CLEC9A: variants seen among roughly 807,000 people sequenced by gnomAD.
CLEC9A encodes C-type lectin domain containing 9A.
CLEC9A carries 24 observed loss-of-function variants against 30.0 expected under a neutral mutation model. The observed-to-expected ratio is 0.80, with a 90% confidence interval of 0.58 to 1.13. The LOEUF is 1.13. CLEC9A is among the 50% of genes most tolerant of loss of function. The pLI is 0.00. For missense variants in CLEC9A, 251 were observed against 280.9 expected, an observed-to-expected ratio of 0.89 and a Z score of 0.76; for synonymous variants, 111 against 96.8, an observed-to-expected ratio of 1.15 and a Z score of -0.86.
chr12:10,052,756 T>C lies in CLEC9A; in HGVS notation c.69T>C (p.Cys23=). ...CAGCACCAGACACTTACCAGAAATGTCTGTCTTCCAACAAATGTTCAGGTA... is the reference window on the plus strand; with the variant it reads ...CAGCACCAGACACTTACCAGAAATGCCTGTCTTCCAACAAATGTTCAGGTA... ...DSPAPDTYQK[C]LSSNKCSGAC... Residue 23 remains cysteine (C), a synonymous_variant, in exon 4 of 9, where the codon TGT becomes TGC. Transcript: ENST00000355819. The C allele has an allele frequency of 6.2e-7, 1 of 1,613,720 alleles. No individual in the cohort carries two copies. Among genetic ancestry groups the C allele is most frequent in the Non-Finnish European group, 8.5e-7 (1 of 1,179,864 alleles).
At chr12:10,051,707 G>A (rs1288065148) in intron 2 of CLEC9A, among the ~76,000 whole-genome samples, 1 of 152,060 alleles carries the variant, frequency 6.6e-6, no homozygotes, top group Non-Finnish European at 1.5e-5. Context: ...CATAACCTTT[G>A]GCCATAAAGA....
Position 10,057,364 on chromosome 12 carries a change from C to T in CLEC9A, c.172+3013C>T, listed in dbSNP as rs1245055159. ...TACATATATATTTTTTAAATAGGACCATGTGTCTGACAAAAAGTAGTAAAT... is the reference window on the plus strand; with the variant it reads ...TACATATATATTTTTTAAATAGGACTATGTGTCTGACAAAAAGTAGTAAAT... On this transcript the variant is annotated intron_variant, in intron 5 of 8. Transcript: ENST00000355819. 2.0e-5 allele frequency among the ~76,000 whole-genome samples: 3 copies of T among 151,604 alleles called. No individual in the cohort carries two copies. In the East Asian group the frequency reaches 5.8e-4, roughly 29 times the overall value.
Position 10,065,591 on chromosome 12 carries a change from T to C in CLEC9A, c.685T>C (p.Tyr229His), listed in dbSNP as rs1866037781. The C allele has an allele frequency of 6.2e-7, 1 of 1,613,904 alleles. No homozygotes were observed. Among genetic ancestry groups the C allele is most frequent in the Non-Finnish European group, 8.5e-7 (1 of 1,179,864 alleles). Residue 229 changes from tyrosine (Y) to histidine (H), a missense_variant, in exon 9 of 9, where the codon TAT becomes CAT. Transcript: ENST00000355819. ...TTCGTCTAACTGCAGCACGTGGAAGTATTTTATCTGTGAGAAGTATGCGTT... is the reference window on the plus strand; with the variant it reads ...TTCGTCTAACTGCAGCACGTGGAAGCATTTTATCTGTGAGAAGTATGCGTT... The part of the protein sequence containing the change: ...LLSSNCSTWK[Y>H]FICEKYALRS...
In CLEC9A at chr12:10,065,702, C is replaced by CCCCCCT. The variant is rs1866039728; in HGVS notation, c.*72_*77dup. 2.6e-6 allele frequency: 4 copies of CCCCCCT among 1,555,800 alleles called. No individual in the cohort carries two copies. The highest frequency in any genetic ancestry group is 3.5e-6 in the Non-Finnish European group (4 of 1,147,248). Reference sequence around the variant, plus strand: ...ATGCCATTGGAAAACCCACCCCCACCCCCCCTCAAAAAAACAGAACAGTAA... The same window carrying CCCCCCT: ...ATGCCATTGGAAAACCCACCCCCACCCCCCCTCCCCCTCAAAAAAACAGAACAGTAA... On this transcript the variant is annotated 3_prime_UTR_variant, in exon 9 of 9. Transcript: ENST00000355819.
At chr12:10,033,073 G>A (rs1422767182) in intron 1 of CLEC9A, among the ~76,000 whole-genome samples, 2 of 150,796 alleles carry the variant, frequency 1.3e-5, no homozygotes, top group African/African-American at 4.9e-5. Flanking sequence ...TTCATCTCAC[G>A]CACCAGATAA....
At chr12:10,042,872 T>TAA (rs1865809863) in intron 2 of CLEC9A, among the ~76,000 whole-genome samples, 1 of 152,240 alleles carries the variant, frequency 6.6e-6, no homozygotes. Context: ...TGTATTTCTT[T>TAA]GTGTTTTCTT....
At chr12:10,056,623 T>A (rs917140405) in intron 5 of CLEC9A, among the ~76,000 whole-genome samples, 2 of 152,152 alleles carry the variant, frequency 1.3e-5, no homozygotes, top group African/African-American at 2.4e-5. Flanking sequence ...GAAGGTTATA[T>A]AAGAAATACT....
At chr12:10,051,187 A>G (rs1275671308) in intron 2 of CLEC9A, among the ~76,000 whole-genome samples, 1 of 151,922 alleles carries the variant, frequency 6.6e-6, no homozygotes, top group Non-Finnish European at 1.5e-5. Flanking sequence ...CCTGGGCGAC[A>G]AGAGTGAAAC....
chr12:10,048,366 G>GA (rs35035367), intron 2 of CLEC9A, among the ~76,000 whole-genome samples: 5,414 of 128,546 alleles, frequency 0.042, 244 homozygotes, highest in East Asian at 0.25. Flanking sequence ...GTGAGATTCC[G>GA]AAAAAAAAAA....
chr12:10,059,653 T>C (rs1376748416), intron 5 of CLEC9A, among the ~76,000 whole-genome samples: 1 of 152,180 alleles, frequency 6.6e-6, no homozygotes, highest in Non-Finnish European at 1.5e-5. Flanking sequence ...CCAGGTGTGG[T>C]GGCTCATGCC....
intron 5 of CLEC9A, 55 bp downstream of exon 5, chr12:10,054,406 T>A: frequency 8.8e-7 from 1 of 1,140,960 alleles, no homozygotes; most frequent in South Asian, 1.4e-5. Flanking sequence ...TAAAACTTCA[T>A]AATTTATAAA....
chr12:10,047,894 G>A (rs1050307092), intron 2 of CLEC9A, among the ~76,000 whole-genome samples: 2 of 152,200 alleles, frequency 1.3e-5, no homozygotes, highest in African/African-American at 4.8e-5. Flanking sequence ...CAGAGTGGTG[G>A]TTGCTGAAGG....
chr12:10,058,948 G>C (rs1865969595), intron 5 of CLEC9A, among the ~76,000 whole-genome samples: 1 of 152,068 alleles, frequency 6.6e-6, no homozygotes, highest in Admixed American at 6.6e-5. Context: ...CTCCTCTTTT[G>C]TTGTTCTATT....
Position 10,064,750 on chromosome 12 carries a change from T to C in CLEC9A, c.490T>C (p.Leu164=). The C allele has an allele frequency of 1.2e-6, 2 of 1,612,086 alleles. No homozygotes were observed. The highest frequency in any genetic ancestry group is 1.7e-6 in the Non-Finnish European group (2 of 1,179,060). The change falls in exon 8 of 9, where the codon TTG becomes CTG. Residue 164 remains leucine (L), a synonymous_variant. Coordinates refer to ENST00000355819, the MANE Select transcript of CLEC9A (RefSeq NM_207345.4). ...CTCATAGGATTTTATCACTGGCAGC[T>C]TGAGGAAGATTAAAGGAAGCTATGA... ...KEEMDFITGS[L]RKIKGSYDYW...
chr12:10,037,651 C>T (rs1490499248), intron 1 of CLEC9A, among the ~76,000 whole-genome samples: 10 of 152,138 alleles, frequency 6.6e-5, no homozygotes, highest in Non-Finnish European at 1.5e-5. Flanking sequence ...ACGGGGAGAC[C>T]GTGCAAACTC....
chr12:10,042,510 A>C (rs1591886043), intron 2 of CLEC9A, among the ~76,000 whole-genome samples: 1 of 152,318 alleles, frequency 6.6e-6, no homozygotes, highest in East Asian at 1.9e-4. Flanking sequence ...TCATTAATTC[A>C]ACAAATATGT....
At chr12:10,032,389 CTT>C (rs10647036) in intron 1 of CLEC9A, among the ~76,000 whole-genome samples, 18 of 117,234 alleles carry the variant, frequency 1.5e-4, no homozygotes, top group East Asian at 2.6e-4. Context: ...TTAGGGATTT[CTT>C]TTTTTTTTTT....
At position 10,057,273 on chromosome 12, in the gene CLEC9A, T is replaced by A. The variant is rs189093920; in HGVS notation, c.172+2922T>A. 4.5e-3 allele frequency among the ~76,000 whole-genome samples: 690 copies of A among 152,080 alleles called. 11 individuals are homozygous for A. The highest frequency in any genetic ancestry group is 0.016 in the African/African-American group (658 of 41,558). Reference sequence around the variant, plus strand: ...TTATGTTCCATTTTAAATTAAAATGTTACATCCAATTTTCTTTATGAAAAC... The same window carrying A: ...TTATGTTCCATTTTAAATTAAAATGATACATCCAATTTTCTTTATGAAAAC... On this transcript the variant is annotated intron_variant, in intron 5 of 8. Transcript: ENST00000355819.
At chr12:10,045,071 T>C (rs890744753) in intron 2 of CLEC9A, among the ~76,000 whole-genome samples, 21 of 152,210 alleles carry the variant, frequency 1.4e-4, no homozygotes, top group Non-Finnish European at 2.4e-4. Context: ...CCTATTCCCA[T>C]CCATTGCAGA....
Sources: allele counts gnomAD v4.1 joint callset (sites outside exome capture counted in the v4.1 genomes callset), GRCh38; gene constraint gnomAD v4.1.1; transcripts MANE v1.5; gene names NCBI Gene and HGNC (gene_info 2026-07-23, HGNC 2026-07-21).